ROBO2: variants seen among roughly 807,000 people sequenced by gnomAD.
ROBO2 encodes roundabout guidance receptor 2, also known as roundabout homolog 2.
A neutral mutation model predicts 160.8 loss-of-function variants in ROBO2; 53 were observed. The observed-to-expected ratio is 0.33, with a 90% CI of 0.26 to 0.41. The LOEUF is 0.41. Ranked by LOEUF, ROBO2 falls within the 10% of genes least tolerant of loss-of-function variation. ROBO2 has a pLI of 1.00. For missense variants in ROBO2, 1,577 were observed against 1,722.4 expected, an observed-to-expected ratio of 0.92 and a Z score of 1.49; for synonymous variants, 664 against 611.7, an observed-to-expected ratio of 1.09 and a Z score of -1.26.
chr3:77,458,953 A>G (rs1296685969), intron 2 of ROBO2, among the ~76,000 whole-genome samples: 1 of 152,132 alleles, frequency 6.6e-6, no homozygotes, highest in African/African-American at 2.4e-5. Flanking sequence ...CTGTCTTTTC[A>G]TTTATAAACC....
chr3:76,241,242 G>T (rs1705264510), intron 2 of ROBO2, among the ~76,000 whole-genome samples: 1 of 152,140 alleles, frequency 6.6e-6, no homozygotes, highest in African/African-American at 2.4e-5. Context: ...TGATGCCATG[G>T]CTTCCCGGGA....
chr3:76,540,602 A>C lies in ROBO2; in HGVS notation c.110-557412A>C, dbSNP rs1040934365. 4.6e-5 allele frequency among the ~76,000 whole-genome samples: 7 copies of C among 152,302 alleles called. No individual in the cohort carries two copies. In the East Asian group the frequency reaches 1.4e-3, roughly 29 times the overall value. On this transcript the variant is annotated intron_variant, in intron 2 of 26. Transcript: ENST00000487694. Reference sequence around the variant, plus strand: ...CTAGAATATATGCTTAATATATAAAACTTCTGGTCAAGTAAACACTAAGTT... The same window carrying C: ...CTAGAATATATGCTTAATATATAAACCTTCTGGTCAAGTAAACACTAAGTT...
chr3:77,146,512 T>A (rs184748758), intron 2 of ROBO2, among the ~76,000 whole-genome samples: 291 of 152,332 alleles, frequency 1.9e-3, no homozygotes, highest in Non-Finnish European at 2.9e-3. Context: ...CAATAGATGA[T>A]TTCTTCAATT....
intron 2 of ROBO2, among the ~76,000 whole-genome samples, chr3:76,868,386 C>G (rs1056342448): frequency 1.3e-5 from 2 of 152,048 alleles, no homozygotes; most frequent in African/African-American, 4.8e-5. Flanking sequence ...CCTGAATGAA[C>G]GAGAATTGAC....
chr3:75,958,802 TAAC>T (rs1040743941), intron 2 of ROBO2, among the ~76,000 whole-genome samples: 1 of 151,780 alleles, frequency 6.6e-6, no homozygotes, highest in Non-Finnish European at 1.5e-5. Flanking sequence ...GAGAGAATAG[TAAC>T]AAAGATAAAA....
intron 2 of ROBO2, among the ~76,000 whole-genome samples, chr3:76,806,006 C>T (rs568638675): frequency 4.6e-5 from 7 of 151,724 alleles, no homozygotes; most frequent in Non-Finnish European, 8.8e-5. Flanking sequence ...ATGCATTACA[C>T]GGTTCTGCTT....
intron 2 of ROBO2, among the ~76,000 whole-genome samples, chr3:76,905,319 C>T (rs2075523629): frequency 6.6e-6 from 1 of 151,912 alleles, no homozygotes; most frequent in African/African-American, 2.4e-5. Flanking sequence ...AACAAAAGGA[C>T]AAGGCAATCA....
At chr3:76,963,262 T>C (rs886988497) in intron 2 of ROBO2, among the ~76,000 whole-genome samples, 15 of 152,232 alleles carry the variant, frequency 9.9e-5, no homozygotes, top group Admixed American at 9.8e-4. Flanking sequence ...ATTTTCTTCA[T>C]TTATATATTT....
intron 2 of ROBO2, among the ~76,000 whole-genome samples, chr3:77,018,329 C>T (rs995388658): frequency 2.1e-4 from 32 of 152,036 alleles, no homozygotes; most frequent in Non-Finnish European, 4.4e-4. Context: ...GTGATCTGCC[C>T]GCCTCAGCCT....
chr3:77,632,806 A>T, intron 23 of ROBO2: 2 of 569,124 alleles, frequency 3.5e-6, no homozygotes, highest in South Asian at 4.7e-5. Context: ...CATTACCCAA[A>T]CTCTCTTCTG....
chr3:76,617,369 CAT>C (rs2088673167), intron 2 of ROBO2, among the ~76,000 whole-genome samples: 2 of 152,078 alleles, frequency 1.3e-5, no homozygotes, highest in Admixed American at 6.6e-5. Flanking sequence ...ATTTGCAACT[CAT>C]TTTTTATCGT....
At chr3:76,118,182 A>C (rs1050542552) in intron 2 of ROBO2, among the ~76,000 whole-genome samples, 1 of 152,210 alleles carries the variant, frequency 6.6e-6, no homozygotes, top group Non-Finnish European at 1.5e-5. Context: ...AAAAAAATAG[A>C]TGAGTAAGAA....
intron 2 of ROBO2, among the ~76,000 whole-genome samples, chr3:76,759,936 T>A (rs1016863846): frequency 2.0e-5 from 3 of 151,784 alleles, no homozygotes; most frequent in Admixed American, 2.0e-4. Context: ...AAGAATCTCA[T>A]CCTAGTCTCA....
intron 2 of ROBO2, among the ~76,000 whole-genome samples, chr3:77,387,700 A>G (rs1372027657): frequency 1.3e-5 from 2 of 151,810 alleles, no homozygotes; most frequent in African/African-American, 2.4e-5. Context: ...TTTTGTTCCT[A>G]AGCAGATAGC....
At chr3:76,047,473 G>A (rs2067489129) in intron 2 of ROBO2, among the ~76,000 whole-genome samples, 1 of 152,192 alleles carries the variant, frequency 6.6e-6, no homozygotes, top group African/African-American at 2.4e-5. Flanking sequence ...TAGTGATACA[G>A]AGATTGCCGT....
chr3:76,576,482 T>C (rs1379713242), intron 2 of ROBO2, among the ~76,000 whole-genome samples: 2 of 152,100 alleles, frequency 1.3e-5, no homozygotes, highest in Middle Eastern at 3.2e-3. Context: ...TTTCTAGCTC[T>C]GCAAAGCATC....
chr3:76,245,288 G>A (rs144205546), intron 2 of ROBO2, among the ~76,000 whole-genome samples: 2,191 of 152,212 alleles, frequency 0.014, 46 homozygotes, highest in African/African-American at 0.05. Context: ...TTGGGGCAGC[G>A]CCCAATACCT....
At chr3:76,881,269 A>G (rs2073312695) in intron 2 of ROBO2, among the ~76,000 whole-genome samples, 1 of 152,210 alleles carries the variant, frequency 6.6e-6, no homozygotes, top group Non-Finnish European at 1.5e-5. Flanking sequence ...ACATCTAATG[A>G]TACTTGTTCT....
At position 77,434,096 on chromosome 3, in the gene ROBO2, A is replaced by G. The variant is rs552422968; in HGVS notation, c.389-43318A>G. Among the ~76,000 whole-genome samples the G allele has an allele frequency of 7.9e-5, 12 of 152,160 alleles. No homozygotes were observed. In the East Asian group the frequency reaches 2.3e-3, roughly 30 times the overall value. ...TGACCTCCTTTTACTTTTTGGAAAA[A>G]GTCCAATAGCATTAATGCTACCTAC... On this transcript the variant is annotated intron_variant, in intron 2 of 25. Transcript: ENST00000461745.
Sources: allele counts gnomAD v4.1 joint callset (sites outside exome capture counted in the v4.1 genomes callset), GRCh38; gene constraint gnomAD v4.1.1; transcripts MANE v1.5; gene names NCBI Gene and HGNC (gene_info 2026-07-23, HGNC 2026-07-21).